DSG4: variants seen among roughly 807,000 people sequenced by gnomAD.
The protein encoded by DSG4 is desmoglein-4.
Under a neutral mutation model 93.1 loss-of-function variants are expected in DSG4, and 87 were observed. The observed-to-expected ratio is 0.93, with a 90% CI of 0.79 to 1.12. DSG4 has a LOEUF of 1.12. Among genes scored for constraint, DSG4 ranks in the 50% most tolerant of loss-of-function variants. The pLI, the probability that DSG4 is intolerant of heterozygous loss-of-function variation, is 0.00. For missense variants in DSG4, 1,373 were observed against 1,285.7 expected (o/e 1.07, Z -1.04); for synonymous variants, 432 against 452.9 (o/e 0.95, Z 0.59).
chr18:31,390,976 T>C (rs1241318392), intron 6 of DSG4, 102 bp from the exon 7 acceptor site: 23 of 1,525,264 alleles, frequency 1.5e-5, no homozygotes, highest in East Asian at 7.3e-5. Flanking sequence ...ATAAATTTCA[T>C]TGGATATGTA....
In DSG4 at chr18:31,409,586, G is replaced by C. The variant is rs1409284579; in HGVS notation, c.2068G>C (p.Asp690His). The C allele has an allele frequency of 9.3e-6, 15 of 1,614,088 alleles. No homozygotes were observed. The highest frequency in any genetic ancestry group is 1.2e-5 in the Non-Finnish European group (14 of 1,180,052). Reference sequence around the variant, plus strand: ...GAGAATTGAAGGGGCCCATCCCGAGGACAGGGTAAGTGGACTGTCACTCTC... The same window carrying C: ...GAGAATTGAAGGGGCCCATCCCGAGCACAGGGTAAGTGGACTGTCACTCTC... ...SWRIEGAHPE[D>H]RDVSNICAPM... Residue 690 changes from aspartate to histidine, a missense_variant, in exon 13 of 16, where the codon GAC becomes CAC. Physicochemically the swap from Asp to His is moderately conservative, Grantham distance 81. Transcript: ENST00000308128.
At position 31,399,521 on chromosome 18, in the gene DSG4, G is replaced by T; in HGVS notation, c.1255G>T (p.Gly419Ter). The change falls in exon 9 of 16, where the codon GGA (glycine) becomes TGA (stop). Residue 419 changes from glycine (G) to a stop codon, truncating the protein, a stop_gained. Transcript: ENST00000308128. LOFTEE classifies it high-confidence loss of function. ...ATATACAGCCATAGATTTGGACACA[G>T]GAAACCCTGCAACAGATGTCAGGTA... ...GTYTAIDLDT[G>*]NPATDVRYII... 6.2e-7 allele frequency: 1 copy of T among 1,613,982 alleles called. No individual in the cohort carries two copies. Among genetic ancestry groups the T allele is most frequent in the East Asian group, 2.2e-5 (1 of 44,872 alleles).
intron 1 of DSG4, among the ~76,000 whole-genome samples, chr18:31,378,999 A>G (rs1234796900): frequency 1.3e-5 from 2 of 152,188 alleles, no homozygotes; most frequent in African/African-American, 4.8e-5. Context: ...TGTGTCAGCT[A>G]CATCTCAACC....
Position 31,376,939 on chromosome 18 carries a change from T to C in DSG4, c.28T>C (p.Cys10Arg), listed in dbSNP as rs1015102825. The C allele has an allele frequency of 3.1e-6, 5 of 1,613,626 alleles. No individual in the cohort carries two copies. In the Admixed American group the frequency reaches 8.3e-5, roughly 27 times the overall value. The change falls in exon 1 of 16, where the codon TGC becomes CGC. Residue 10 changes from cysteine (C) to arginine (R), a missense_variant. By Grantham distance (180) the Cys-to-Arg change is radical (BLOSUM62 -3). Transcript: ENST00000308128. MDWLFFRNI[C>R]LLIILMVVME... ...GGATTGGCTCTTCTTCAGAAACATTTGCCTTTTGATCATTCTAATGGTAAG... is the reference window on the plus strand; with the variant it reads ...GGATTGGCTCTTCTTCAGAAACATTCGCCTTTTGATCATTCTAATGGTAAG...
chr18:31,391,290 T>C, intron 7 of DSG4, 78 bp downstream of exon 7: 1 of 1,589,306 alleles, frequency 6.3e-7, no homozygotes, highest in Non-Finnish European at 8.6e-7. Context: ...TCAATCATGC[T>C]GGCTCATGAG....
At chr18:31,386,602 AAATGCACCTTAC>A in intron 2 of DSG4, 74 bp from the exon 3 acceptor site, 1 of 1,568,612 alleles carries the variant, frequency 6.4e-7, no homozygotes, top group Admixed American at 1.7e-5. Flanking sequence ...TGTTTCTTCT[AAATGCACCTTAC>A]AATATTAAAT....
At chr18:31,398,552 A>G (rs1306659159) in intron 8 of DSG4, among the ~76,000 whole-genome samples, 1 of 152,228 alleles carries the variant, frequency 6.6e-6, no homozygotes, top group African/African-American at 2.4e-5. Context: ...TTCTAAGCAG[A>G]CATTGTTCAG....
chr18:31,394,175 T>C (rs1437394226), intron 8 of DSG4, among the ~76,000 whole-genome samples: 4 of 152,228 alleles, frequency 2.6e-5, no homozygotes, highest in Non-Finnish European at 5.9e-5. Flanking sequence ...ATAGAAACTC[T>C]GTATGATATG....
rs766165051 is a variant in DSG4, at chr18:31,413,318, A to C, written c.2846A>C (p.Asn949Thr). ...VMAPVYDIQG[N>T]ICVPAELADY... is the part of the protein sequence containing the mutation. Reference sequence around the variant, plus strand: ...GCACCTGTCTATGATATTCAAGGGAATATTTGTGTACCTGCTGAGTTAGCA... The same window carrying C: ...GCACCTGTCTATGATATTCAAGGGACTATTTGTGTACCTGCTGAGTTAGCA... The change falls in exon 16 of 16, where the codon AAT becomes ACT. Residue 949 changes from asparagine to threonine, a missense_variant. Transcript: ENST00000308128. The C allele has an allele frequency of 1.4e-5, 23 of 1,614,052 alleles. No homozygotes were observed. The highest frequency in any genetic ancestry group is 1.8e-5 in the Non-Finnish European group (21 of 1,180,034).
At chr18:31,379,245 T>C (rs963242739) in intron 1 of DSG4, among the ~76,000 whole-genome samples, 2 of 152,342 alleles carry the variant, frequency 1.3e-5, no homozygotes, top group African/African-American at 4.8e-5. Flanking sequence ...TGTGTAACTT[T>C]GGCAAAAGCA....
In DSG4 at chr18:31,392,156, A is replaced by G; in HGVS notation, c.821A>G (p.Tyr274Cys). ...ACAAAATTGATCCTTGCATTTTAGT[A>G]CTCAGCCAGTATTGAAGAGAATTGT... ...DNFPTLEKTS[Y>C]SASIEENCLS... is the part of the protein sequence containing the mutation. Residue 274 changes from tyrosine to cysteine, a missense_variant and splice_region_variant, in exon 8 of 16, where the codon TAC becomes TGC. Coordinates refer to ENST00000308128, the MANE Select transcript of DSG4 (RefSeq NM_177986.5). The G allele has an allele frequency of 6.2e-7, 1 of 1,613,574 alleles. No homozygotes were observed. Among genetic ancestry groups the G allele is most frequent in the Non-Finnish European group, 8.5e-7 (1 of 1,179,710 alleles).
intron 15 of DSG4, among the ~76,000 whole-genome samples, chr18:31,411,739 C>T (rs888757317): frequency 6.6e-6 from 1 of 152,096 alleles, no homozygotes; most frequent in Non-Finnish European, 1.5e-5. Context: ...GATTCCTCAC[C>T]TTGTTTCCCA....
At position 31,409,828 on chromosome 18, in the gene DSG4, T is replaced by C. The variant is rs2072467101; in HGVS notation, c.2137+20T>C. The C allele has an allele frequency of 6.2e-7, 1 of 1,613,970 alleles. No homozygotes were observed. The highest frequency in any genetic ancestry group is 8.5e-7 in the Non-Finnish European group (1 of 1,179,930). On this transcript the variant is annotated intron_variant, in intron 14 of 15. Transcript: ENST00000308128. ...CCTCTGGTCAGTAGACACCAAAATC[T>C]GTTTTTCCTTTTAAATTTTTCAAAA...
chr18:31,403,001 A>C (rs2144202853), intron 10 of DSG4, among the ~76,000 whole-genome samples: 1 of 152,318 alleles, frequency 6.6e-6, no homozygotes, highest in African/African-American at 2.4e-5. Flanking sequence ...GGACTCAGTG[A>C]GCATCCTGAA....
intron 1 of DSG4, among the ~76,000 whole-genome samples, chr18:31,382,634 T>G (rs911022916): frequency 3.3e-5 from 5 of 152,042 alleles, no homozygotes; most frequent in Admixed American, 1.3e-4. Context: ...GGCTTATGAT[T>G]TCATAGGGCC....
rs745845853 is a variant in DSG4 at position 31,388,942 on chromosome 18, T to C, written c.441T>C (p.Val147=). 1.9e-6 allele frequency: 3 copies of C among 1,613,522 alleles called. No homozygotes were observed. The highest frequency in any genetic ancestry group is 2.5e-6 in the Non-Finnish European group (3 of 1,179,682). The change falls in exon 5 of 16, where the codon GTT becomes GTC. Residue 147 remains valine, a synonymous_variant. Coordinates refer to ENST00000308128, the MANE Select transcript of DSG4 (RefSeq NM_177986.5). The part of the protein sequence containing the change: ...LERPLELRVK[V]MDINDNAPVF... ...GGCCTCTTGAGCTTAGAGTCAAAGT[T>C]ATGGACATAAATGATAACGCTCCAG...
chr18:31,405,607 G>A (rs1165353612), intron 11 of DSG4, among the ~76,000 whole-genome samples: 1 of 151,976 alleles, frequency 6.6e-6, no homozygotes, highest in Admixed American at 6.6e-5. Flanking sequence ...AAAAAGGCCA[G>A]GCAGAATGGC....
chr18:31,386,874 A>C (rs2072194532), intron 3 of DSG4, 55 bp downstream of exon 3: 8 of 1,609,478 alleles, frequency 5.0e-6, no homozygotes, highest in Non-Finnish European at 6.8e-6. Context: ...GGAAGCTTTC[A>C]AATATCTCCA....
Position 31,412,946 on chromosome 18 carries a change from T to C in DSG4, c.2474T>C (p.Val825Ala), listed in dbSNP as rs1201200624. Residue 825 changes from valine (V) to alanine (A), a missense_variant, in exon 16 of 16, where the codon GTG becomes GCG. Physicochemically the swap from Val to Ala is moderately conservative, Grantham distance 64. Transcript: ENST00000308128. ...TCTATTGGTTGTTGCAGTTGGATTG[T>C]GGATGACTTAGATGAAAGCTGCATG... ...VGSIGCCSWI[V>A]DDLDESCMET... The C allele has an allele frequency of 3.1e-6, 5 of 1,614,216 alleles. No individual in the cohort carries two copies. The highest frequency in any genetic ancestry group is 4.2e-6 in the Non-Finnish European group (5 of 1,180,046).
Sources: gnomAD v4.1 joint callset for allele counts (sites outside exome capture counted in the v4.1 genomes callset) on GRCh38, gnomAD v4.1.1 for gene constraint, MANE v1.5 for transcripts, NCBI Gene and HGNC (gene_info 2026-07-23, HGNC 2026-07-21) for gene names.